The following MAP2 variants were observed in gnomAD, a reference collection of about 807,000 sequenced individuals.
The protein encoded by MAP2 is microtubule associated protein 2.
In MAP2, 14 loss-of-function variants were observed where a neutral mutation model predicts 137.6. The ratio of observed to expected loss-of-function variants is 0.10; its 90% CI spans 0.07 to 0.16. The LOEUF (loss-of-function observed/expected upper bound fraction) is 0.16, where lower values mean the gene tolerates loss of function less well. Among genes scored for constraint, MAP2 ranks in the 10% least tolerant of loss-of-function variants. The pLI, the probability that MAP2 is intolerant of heterozygous loss-of-function variation, is 1.00. For synonymous variants in MAP2, 786 were observed against 782.3 expected (o/e 1.00, Z -0.08); for missense variants, 2,088 against 2,191.5 (o/e 0.95, Z 0.94).
At chr2:209,686,658 A>T (rs1299859355) in intron 7 of MAP2, among the ~76,000 whole-genome samples, 1 of 152,194 alleles carries the variant, frequency 6.6e-6, no homozygotes, top group African/African-American at 2.4e-5. Context: ...TTATACGAGA[A>T]TCCAAATGCT....
intron 1 of MAP2, among the ~76,000 whole-genome samples, chr2:209,485,295 G>A (rs1431883153): frequency 1.3e-5 from 2 of 152,060 alleles, no homozygotes; most frequent in Non-Finnish European, 2.9e-5. Flanking sequence ...AATCAGTGCT[G>A]TACTTTAAAT....
At chr2:209,665,040 G>A (rs771894674) in intron 5 of MAP2, among the ~76,000 whole-genome samples, 225 of 149,264 alleles carry the variant, frequency 1.5e-3, no homozygotes, top group Non-Finnish European at 2.8e-3. Context: ...TCAAGAAACT[G>A]AAAACAGTCT....
intron 7 of MAP2, among the ~76,000 whole-genome samples, chr2:209,682,747 C>A (rs775537836): frequency 6.6e-6 from 1 of 151,898 alleles, no homozygotes; most frequent in Non-Finnish European, 1.5e-5. Flanking sequence ...GATGAAGTGA[C>A]CCAGGAACTG....
At chr2:209,615,691 G>A (rs1010156335) in intron 3 of MAP2, among the ~76,000 whole-genome samples, 9 of 152,102 alleles carry the variant, frequency 5.9e-5, no homozygotes, top group Non-Finnish European at 1.2e-4. Context: ...CCGGTGAAAC[G>A]CCACCTCCAA....
chr2:209,480,487 T>G (rs1708457849), intron 1 of MAP2, among the ~76,000 whole-genome samples: 1 of 152,190 alleles, frequency 6.6e-6, no homozygotes, highest in African/African-American at 2.4e-5. Flanking sequence ...CTTTATTTGT[T>G]GTTGGAATCA....
intron 2 of MAP2, among the ~76,000 whole-genome samples, chr2:209,512,849 T>C (rs1308942761): frequency 1.3e-5 from 2 of 152,056 alleles, no homozygotes; most frequent in African/African-American, 2.4e-5. Context: ...AGGGTCTCTC[T>C]ATGTTGCCCA....
At chr2:209,626,366 A>G (rs1031384149) in intron 4 of MAP2, among the ~76,000 whole-genome samples, 10 of 152,144 alleles carry the variant, frequency 6.6e-5, no homozygotes, top group African/African-American at 2.4e-4. Flanking sequence ...AGTGGCTGAG[A>G]TCACAACATT....
intron 4 of MAP2, among the ~76,000 whole-genome samples, chr2:209,625,423 T>C (rs535516812): frequency 8.6e-4 from 131 of 152,328 alleles, no homozygotes; most frequent in African/African-American, 2.4e-3. Flanking sequence ...ATGCCAACGG[T>C]ATTTCTTCAG....
In MAP2 at chr2:209,533,668, A is replaced by G. The variant is rs926762006; in HGVS notation, c.-172+26027A>G. Among the ~76,000 whole-genome samples, 4 of 152,232 alleles carry G rather than the reference A, an allele frequency of 2.6e-5. No individual in the cohort carries two copies. The East Asian group carries it at 7.7e-4, about 29-fold the overall frequency. On this transcript the variant is annotated intron_variant, in intron 2 of 15. Transcript: ENST00000682079. ...GATACAGCTCTTTGAAACAAAAGCC[A>G]TGTTTATGCTCAAGGCATACTTATG...
chr2:209,654,118 C>T (rs1175133910), intron 5 of MAP2, among the ~76,000 whole-genome samples: 2 of 152,190 alleles, frequency 1.3e-5, no homozygotes, highest in Admixed American at 6.5e-5. Context: ...ATCATCTTAT[C>T]ATCTTGGGGT....
chr2:209,635,640 G>C (rs2093487667), intron 4 of MAP2, among the ~76,000 whole-genome samples: 2 of 151,940 alleles, frequency 1.3e-5, no homozygotes, highest in South Asian at 4.2e-4. Context: ...CATGAAAGCT[G>C]TTCTGTTGGA....
chr2:209,519,102 C>T (rs1022962198), intron 2 of MAP2, among the ~76,000 whole-genome samples: 1 of 151,990 alleles, frequency 6.6e-6, no homozygotes, highest in Non-Finnish European at 1.5e-5. Context: ...ACCCAGAAAT[C>T]CCCTCCACCA....
At chr2:209,624,012 C>T (rs375179386) in intron 3 of MAP2, among the ~76,000 whole-genome samples, 1 of 152,126 alleles carries the variant, frequency 6.6e-6, no homozygotes, top group South Asian at 2.1e-4. Context: ...ACAGCTCTGG[C>T]CCAGACCATA....
intron 1 of MAP2, among the ~76,000 whole-genome samples, chr2:209,444,840 A>AC (rs1559170054): frequency 1.3e-5 from 2 of 151,500 alleles, no homozygotes; most frequent in Non-Finnish European, 3.0e-5. Flanking sequence ...TAAAAATAGT[A>AC]TATTTTTAAA....
At chr2:209,635,927 G>A (rs1194904532) in intron 4 of MAP2, among the ~76,000 whole-genome samples, 3 of 152,134 alleles carry the variant, frequency 2.0e-5, no homozygotes, top group African/African-American at 7.2e-5. Context: ...TCTTCTATGT[G>A]AGATTAAGTA....
intron 3 of MAP2, among the ~76,000 whole-genome samples, chr2:209,619,903 G>T (rs557941475): frequency 6.6e-6 from 1 of 152,086 alleles, no homozygotes; most frequent in Non-Finnish European, 1.5e-5. Flanking sequence ...TCAGTACAGT[G>T]GGCTGTAAGA....
At chr2:209,495,001 A>T (rs2059578763) in intron 1 of MAP2, among the ~76,000 whole-genome samples, 1 of 152,236 alleles carries the variant, frequency 6.6e-6, no homozygotes, top group African/African-American at 2.4e-5. Flanking sequence ...ATGTGTATAT[A>T]TTCCACCTTA....
intron 2 of MAP2, among the ~76,000 whole-genome samples, chr2:209,562,687 A>T (rs2072433294): frequency 6.6e-6 from 1 of 151,540 alleles, no homozygotes; most frequent in African/African-American, 2.4e-5. Flanking sequence ...ACAGGGTGAG[A>T]CTCTGTCAAA....
chr2:209,584,923 G>C (rs772429890), intron 3 of MAP2, among the ~76,000 whole-genome samples: 1 of 152,176 alleles, frequency 6.6e-6, no homozygotes, highest in Admixed American at 6.6e-5. Context: ...AGAGCTACAC[G>C]AGGAAAGAGT....
Sources: gnomAD v4.1 joint callset for allele counts (sites outside exome capture counted in the v4.1 genomes callset) on GRCh38, gnomAD v4.1.1 for gene constraint, MANE v1.5 for transcripts, NCBI Gene and HGNC (gene_info 2026-07-23, HGNC 2026-07-21) for gene names.